Variants in COP1 observed in about 807,000 individuals in gnomAD.
COP1 encodes the protein COP1 E3 ubiquitin ligase.
COP1 carries 24 observed loss-of-function variants against 101.3 expected under a neutral mutation model. The observed-to-expected ratio is 0.24, with a 90% CI of 0.17 to 0.33. COP1 has a LOEUF of 0.33. Among genes scored for constraint, COP1 ranks in the 10% least tolerant of loss-of-function variants. The probability of loss-of-function intolerance (pLI) is 1.00; values close to 1 mark genes in which losing one functional copy is unlikely to be tolerated. For missense variants in COP1, 663 were observed against 906.2 expected, an observed-to-expected ratio of 0.73 and a Z score of 3.45; for synonymous variants, 347 against 341.9, an observed-to-expected ratio of 1.01 and a Z score of -0.17.
rs1293845362 is a variant in COP1, at chr1:176,043,939, CATT to C, written c.1422-124_1422-122del. 2.8e-5 allele frequency: 18 copies of C among 641,838 alleles called. No individual in the cohort carries two copies. In the South Asian group the frequency reaches 3.1e-4, roughly 11 times the overall value. The allele number at this position is 641,838 out of a possible 1,614,324, so 39.8% of individuals were successfully genotyped here. A position where few individuals can be genotyped will look rare whatever the true frequency, so the allele number is the denominator to read the frequency against. ...AAAATGGTCTCTATCAGTTCACAAT[CATT>C]ATTCTGCCCACAACATACCTGGGAA... On this transcript the variant is annotated intron_variant, in intron 12 of 19. Coordinates refer to ENST00000367669, the MANE Select transcript of COP1 (RefSeq NM_022457.7).
chr1:176,142,521 C>A (rs925575457), intron 6 of COP1, among the ~76,000 whole-genome samples: 1 of 151,980 alleles, frequency 6.6e-6, no homozygotes, highest in Non-Finnish European at 1.5e-5. Flanking sequence ...GAAAGGAAGA[C>A]CTGGTATGAA....
At chr1:176,167,521 A>G (rs1695326495) in intron 3 of COP1, among the ~76,000 whole-genome samples, 1 of 151,518 alleles carries the variant, frequency 6.6e-6, no homozygotes, top group African/African-American at 2.4e-5. Context: ...TCCAATTAAG[A>G]TAAGCCTTAA....
At chr1:176,041,390 C>T (rs1670508485) in intron 14 of COP1, among the ~76,000 whole-genome samples, 1 of 144,348 alleles carries the variant, frequency 6.9e-6, no homozygotes, top group Non-Finnish European at 1.5e-5. Flanking sequence ...CTCTGTCATC[C>T]AGGCTGTAGT....
intron 11 of COP1, among the ~76,000 whole-genome samples, chr1:176,056,337 AT>A (rs1335817448): frequency 1.3e-5 from 2 of 152,114 alleles, no homozygotes; most frequent in African/African-American, 4.8e-5. Context: ...ATTAACATTT[AT>A]TTTTTGTGCA....
At position 176,175,934 on chromosome 1, in the gene COP1, CA is replaced by C; in HGVS notation, c.540del (p.Ile180MetfsTer10). On this transcript the variant is annotated frameshift_variant, in exon 3 of 20. Transcript: ENST00000367669. LOFTEE classifies it high-confidence loss of function. Reference protein sequence around the residue: ...CPKCNYVVDNIDHLYPNFLVN... With the variant: ...CPKCNYVVDNXDHLYPNFLVN... ...CCCAAGAAATTAGGATACAGATGGT[CA>C]ATATTGTCCACAACATAGTTACACT... The C allele has an allele frequency of 6.4e-7, 1 of 1,571,538 alleles. No homozygotes were observed.
chr1:176,055,650 C>A (rs1421870605), intron 11 of COP1, among the ~76,000 whole-genome samples: 1 of 152,160 alleles, frequency 6.6e-6, no homozygotes, highest in African/African-American at 2.4e-5. Context: ...CCAATTTTAA[C>A]CTGATAGGCA....
intron 11 of COP1, among the ~76,000 whole-genome samples, chr1:176,076,066 C>T (rs1323042493): frequency 6.7e-6 from 1 of 148,398 alleles, no homozygotes; most frequent in Non-Finnish European, 1.5e-5. Context: ...TTAGACAGAT[C>T]ATGGAGGCAG....
intron 15 of COP1, among the ~76,000 whole-genome samples, chr1:176,019,254 G>A (rs946746131): frequency 1.3e-5 from 2 of 151,668 alleles, no homozygotes; most frequent in African/African-American, 4.8e-5. Context: ...CACGAGGTCA[G>A]GAGTTCGCGA....
intron 6 of COP1, among the ~76,000 whole-genome samples, chr1:176,145,351 A>G (rs6665385): frequency 0.72 from 109,017 of 151,966 alleles, 39,936 homozygotes; most frequent in African/African-American, 0.87. Flanking sequence ...CTGGTATCAC[A>G]TACTGGCAAG....
chr1:176,085,164 C>T (rs1285168937), intron 10 of COP1, among the ~76,000 whole-genome samples: 1 of 152,076 alleles, frequency 6.6e-6, no homozygotes, highest in Non-Finnish European at 1.5e-5. Flanking sequence ...GTATCTTTTT[C>T]AGTTAATTCA....
intron 14 of COP1, among the ~76,000 whole-genome samples, chr1:176,040,744 T>C (rs376141394): frequency 6.6e-6 from 1 of 152,254 alleles, no homozygotes; most frequent in Non-Finnish European, 1.5e-5. Context: ...GAATAGACTG[T>C]GCTCCATTAT....
chr1:176,184,831 A>T lies in COP1; in HGVS notation c.408-139T>A, dbSNP rs186238319. On this transcript the variant is annotated intron_variant, in intron 1 of 19. Coordinates refer to ENST00000367669, the MANE Select transcript of COP1 (RefSeq NM_022457.7). ...AGTCTATAAACATTCTATCAATAAG[A>T]GATGAAATTTCTATTGAACTAAACT... 564 of 551,932 alleles carry T rather than the reference A, an allele frequency of 1.0e-3. 2 individuals carry two copies. Among genetic ancestry groups the T allele is most frequent in the African/African-American group, 0.01 (520 of 51,610 alleles). The allele number at this position is 551,932 out of a possible 1,614,324, so 34.2% of individuals were successfully genotyped here.
rs118100939 is a variant in COP1 at position 176,179,788 on chromosome 1, A to T, written c.468-3781T>A. On this transcript the variant is annotated intron_variant, in intron 2 of 19. Transcript: ENST00000367669. The stretch of plus-strand genomic sequence containing the variant: ...TATACAAGAAATTATTCCAAAATCT[A>T]GTAGAAAATCCTCTTTTCTTTAGTA... Among the ~76,000 whole-genome samples, 143 of 152,144 alleles carry T rather than the reference A, an allele frequency of 9.4e-4. 2 individuals carry two copies. In the East Asian group the frequency reaches 0.015, roughly 16 times the overall value.
In COP1 at chr1:176,163,831, T is replaced by C; in HGVS notation, c.626A>G (p.His209Arg). ...GAAACATACGGTGCTACTCACTGAG[T>C]GGTCCAATTTGAACCTCTTTTCCTC... ...RFEEKRFKLDHSVSSTNGHRW... is the reference protein window; with the variant it reads ...RFEEKRFKLDRSVSSTNGHRW... The change falls in exon 4 of 20, where the codon CAC becomes CGC. Residue 209 changes from histidine (H) to arginine (R), a missense_variant. Physicochemically the swap from His to Arg is conservative, Grantham distance 29 (BLOSUM62 0). Coordinates refer to ENST00000367669, the MANE Select transcript of COP1 (RefSeq NM_022457.7). The C allele has an allele frequency of 6.2e-7, 1 of 1,601,950 alleles. No homozygotes were observed. The highest frequency in any genetic ancestry group is 2.2e-5 in the East Asian group (1 of 44,696).
chr1:175,957,204 T>C (rs1471100660), intron 18 of COP1, among the ~76,000 whole-genome samples: 2 of 152,166 alleles, frequency 1.3e-5, no homozygotes, highest in Non-Finnish European at 2.9e-5. Context: ...TCTACAGTAA[T>C]GTACAATAAT....
rs34291468 is a variant in COP1, at chr1:176,165,361, C to CGTGTGTGTGTGTGTGTGTGT, written c.566-1490_566-1471dup. 4.1e-4 allele frequency among the ~76,000 whole-genome samples: 54 copies of CGTGTGTGTGTGTGTGTGTGT among 132,136 alleles called. 2 individuals are homozygous for CGTGTGTGTGTGTGTGTGTGT. The highest frequency in any genetic ancestry group is 8.4e-4 in the Admixed American group (11 of 13,040). The allele number at this position is 132,136 out of a possible 152,430, so 86.7% of individuals were successfully genotyped here. Reference sequence around the variant, plus strand: ...GTGAGAGAGAGAGAGAGATGTGTGTCGTGTGTGTGTGTGTGTGTGTGTGTG... The same window carrying CGTGTGTGTGTGTGTGTGTGT: ...GTGAGAGAGAGAGAGAGATGTGTGTCGTGTGTGTGTGTGTGTGTGTGTGTGTGTGTGTGTGTGTGTGTGTG... On this transcript the variant is annotated intron_variant, in intron 3 of 19. Transcript: ENST00000367669.
At chr1:176,038,077 A>T (rs1669887130) in intron 14 of COP1, among the ~76,000 whole-genome samples, 1 of 152,244 alleles carries the variant, frequency 6.6e-6, no homozygotes, top group Non-Finnish European at 1.5e-5. Context: ...ACCTACAGTG[A>T]CTTTAGCAAG....
Position 176,175,818 on chromosome 1 carries a change from C to G in COP1, c.565+92G>C, listed in dbSNP as rs1696855586. 9 of 667,426 alleles carry G rather than the reference C, an allele frequency of 1.3e-5. 1 individual carries two copies. Among genetic ancestry groups the G allele is most frequent in the Middle Eastern group, 2.8e-4 (1 of 3,634 alleles). 41.3% of individuals were successfully genotyped at this position (667,426 alleles called of 1,614,324 possible). A position where few individuals can be genotyped will look rare whatever the true frequency, so the allele number is the denominator to read the frequency against. On this transcript the variant is annotated intron_variant, in intron 3 of 19. Coordinates refer to ENST00000367669, the MANE Select transcript of COP1 (RefSeq NM_022457.7). ...TATACAGTAGAGAGAGACTTGCTTA[C>G]CACTAAGGTAGGTTTTCTGAATAAA...
intron 14 of COP1, among the ~76,000 whole-genome samples, chr1:176,039,538 G>T (rs1391027999): frequency 6.6e-6 from 1 of 151,244 alleles, no homozygotes; most frequent in East Asian, 1.9e-4. Flanking sequence ...CATCAATAAG[G>T]CTCAATTCAA....
Sources: allele counts gnomAD v4.1 joint callset (sites outside exome capture counted in the v4.1 genomes callset), GRCh38; gene constraint gnomAD v4.1.1; transcripts MANE v1.5; gene names NCBI Gene and HGNC (gene_info 2026-07-23, HGNC 2026-07-21).